FGD6: variants seen among roughly 807,000 people sequenced by gnomAD.
The protein encoded by FGD6 is FYVE, RhoGEF and PH domain-containing protein 6.
Under a neutral mutation model 149.4 loss-of-function variants are expected in FGD6, and 90 were observed. The observed-to-expected ratio is 0.60, with a 90% CI of 0.51 to 0.72. FGD6 has a LOEUF of 0.72. Ranked by LOEUF, FGD6 falls within the 30% of genes least tolerant of loss-of-function variation. FGD6 has a pLI of 0.00. For missense variants in FGD6, 1,437 were observed against 1,684.8 expected (o/e 0.85, Z 2.57); for synonymous variants, 527 against 584.0 (o/e 0.90, Z 1.41).
intron 3 of FGD6, among the ~76,000 whole-genome samples, chr12:95,154,916 G>A (rs1880422845): frequency 1.4e-5 from 2 of 147,632 alleles, no homozygotes; most frequent in African/African-American, 5.0e-5. Context: ...ACATGACTAT[G>A]TTAGTTCTTC....
Position 95,209,375 on chromosome 12 carries a change from T to G in FGD6, c.1909A>C (p.Ile637Leu), listed in dbSNP as rs1243439945. 2 of 1,613,394 alleles carry G rather than the reference T, an allele frequency of 1.2e-6. No homozygotes were observed. The highest frequency in any genetic ancestry group is 1.1e-5 in the South Asian group (1 of 91,000). The change falls in exon 2 of 21, where the codon ATC becomes CTC. Residue 637 changes from isoleucine (I) to leucine (L), a missense_variant. Physicochemically the swap from Ile to Leu is conservative, Grantham distance 5 (BLOSUM62 2). Coordinates refer to ENST00000343958, the MANE Select transcript of FGD6 (RefSeq NM_018351.4). Reference sequence around the variant, plus strand: ...TGAAAGTCACTCTTCATGAAACAGATGGACAGTTTCATGCTGAGCAACTTT... The same window carrying G: ...TGAAAGTCACTCTTCATGAAACAGAGGGACAGTTTCATGCTGAGCAACTTT... The part of the protein sequence containing the change: ...FKKLLSMKLS[I>L]CFMKSDFQKF...
intron 3 of FGD6, among the ~76,000 whole-genome samples, chr12:95,166,018 A>G (rs1328449539): frequency 6.9e-6 from 1 of 145,704 alleles, no homozygotes; most frequent in African/African-American, 2.6e-5. Context: ...TGGAGTGCAG[A>G]CTGGAGTGCA....
chr12:95,143,889 G>C (rs1326932102), intron 5 of FGD6, among the ~76,000 whole-genome samples: 1 of 152,192 alleles, frequency 6.6e-6, no homozygotes, highest in African/African-American at 2.4e-5. Context: ...GCTCAGCAAA[G>C]CAATAAGCGC....
chr12:95,082,115 T>G (rs1012415579), intron 20 of FGD6, among the ~76,000 whole-genome samples: 3 of 152,192 alleles, frequency 2.0e-5, no homozygotes, highest in Non-Finnish European at 4.4e-5. Flanking sequence ...TGTATAAAGG[T>G]TCTATGAAGT....
intron 3 of FGD6, among the ~76,000 whole-genome samples, chr12:95,162,232 G>A (rs1234012617): frequency 2.0e-5 from 3 of 151,568 alleles, no homozygotes; most frequent in African/African-American, 7.3e-5. Flanking sequence ...AATAAGAATA[G>A]CCCCAGTTGG....
intron 8 of FGD6, among the ~76,000 whole-genome samples, chr12:95,113,997 A>C (rs116426500): frequency 1.1e-4 from 16 of 152,322 alleles, no homozygotes; most frequent in African/African-American, 3.8e-4. Flanking sequence ...CAGAGCCAGC[A>C]TGAGAATTCA....
Position 95,089,921 on chromosome 12 carries a change from C to T in FGD6, c.3851-225G>A, listed in dbSNP as rs1592825448. Among the ~76,000 whole-genome samples, 3 of 152,144 alleles carry T rather than the reference C, an allele frequency of 2.0e-5. No homozygotes were observed. In the East Asian group the frequency reaches 5.8e-4, roughly 29 times the overall value. Reference sequence around the variant, plus strand: ...TTGAACTTTATGTGAAAGGATTACTCTTGTGTGCCTTTAGAATTATGAAAC... The same window carrying T: ...TTGAACTTTATGTGAAAGGATTACTTTTGTGTGCCTTTAGAATTATGAAAC... On this transcript the variant is annotated intron_variant, in intron 17 of 20. Transcript: ENST00000343958.
chr12:95,205,595 T>C (rs565538392), intron 2 of FGD6, among the ~76,000 whole-genome samples: 1 of 152,196 alleles, frequency 6.6e-6, no homozygotes. Flanking sequence ...AAGGCACAGG[T>C]CTGTATTTTC....
At chr12:95,084,833 C>T (rs1166971326) in intron 19 of FGD6, among the ~76,000 whole-genome samples, 187 bp from the exon 20 acceptor site, 3 of 152,206 alleles carry the variant, frequency 2.0e-5, no homozygotes, top group African/African-American at 7.2e-5. Context: ...TCCCTAGGTA[C>T]CCTATATGCC....
chr12:95,160,530 T>C (rs2136277326), intron 3 of FGD6, among the ~76,000 whole-genome samples: 1 of 152,160 alleles, frequency 6.6e-6, no homozygotes, highest in African/African-American at 2.4e-5. Flanking sequence ...CAGAGAAACA[T>C]GGGTATGAGA....
chr12:95,149,993 T>TACAC (rs10652699), intron 5 of FGD6, among the ~76,000 whole-genome samples: 8,437 of 131,816 alleles, frequency 0.064, 301 homozygotes, highest in East Asian at 0.085. Context: ...TGCTATATAT[T>TACAC]ACACACACAC....
chr12:95,172,390 T>C (rs1020867867), intron 3 of FGD6, among the ~76,000 whole-genome samples: 31 of 152,122 alleles, frequency 2.0e-4, no homozygotes, highest in Admixed American at 1.8e-3. Context: ...TAATAATTTC[T>C]CAAAAATCAC....
At chr12:95,204,172 G>A (rs1394886752) in intron 2 of FGD6, among the ~76,000 whole-genome samples, 4 of 152,292 alleles carry the variant, frequency 2.6e-5, no homozygotes, top group African/African-American at 9.6e-5. Context: ...CTGAGAACCC[G>A]GAGCGGTGAC....
intron 1 of FGD6, among the ~76,000 whole-genome samples, chr12:95,215,107 C>T (rs1021421612): frequency 2.6e-5 from 4 of 152,094 alleles, no homozygotes; most frequent in Middle Eastern, 3.2e-3. Flanking sequence ...GTGATCCACC[C>T]GCCTTGGCCT....
At chr12:95,113,162 C>T (rs1430370561) in intron 9 of FGD6, among the ~76,000 whole-genome samples, 1 of 151,886 alleles carries the variant, frequency 6.6e-6, no homozygotes, top group Admixed American at 6.6e-5. Flanking sequence ...CTATCCCCAG[C>T]ACTGCTTTAC....
intron 18 of FGD6, among the ~76,000 whole-genome samples, chr12:95,088,686 T>G (rs1341406370): frequency 2.0e-5 from 3 of 152,184 alleles, no homozygotes; most frequent in Non-Finnish European, 4.4e-5. Context: ...AACCCAATAT[T>G]CAACAAGAGA....
Position 95,134,776 on chromosome 12 carries a change from C to G in FGD6, c.3045G>C (p.Pro1015=), listed in dbSNP as rs200014128. 108 of 1,613,876 alleles carry G rather than the reference C, an allele frequency of 6.7e-5. No individual in the cohort carries two copies. The highest frequency in any genetic ancestry group is 3.3e-4 in the Middle Eastern group (2 of 6,060). ...GCCTGTACTGGGGGATCCTCTGAAC[C>G]GGCTTGAGCAGGTAGTGCTTGAGGG... The part of the protein sequence containing the change: ...NLALKHYLLK[P]VQRIPQYRLL... Residue 1015 remains proline, a synonymous_variant, in exon 8 of 21, where the codon CCG becomes CCC. Coordinates refer to ENST00000343958, the MANE Select transcript of FGD6 (RefSeq NM_018351.4).
chr12:95,110,727 T>G (rs571298383), intron 9 of FGD6, among the ~76,000 whole-genome samples: 1 of 152,112 alleles, frequency 6.6e-6, no homozygotes, highest in Non-Finnish European at 1.5e-5. Context: ...ACACATTTCC[T>G]GCTTTCTGGC....
At chr12:95,083,012 A>AAAAAATATATATATATATATAT (rs68032073) in intron 20 of FGD6, among the ~76,000 whole-genome samples, 2 of 20,036 alleles carry the variant, frequency 1.0e-4, no homozygotes, top group Non-Finnish European at 1.7e-4. Flanking sequence ...AAAAAAAAAA[A>AAAAAATATATATATATATATAT]ATATATATAT....
Sources: allele counts gnomAD v4.1 joint callset (sites outside exome capture counted in the v4.1 genomes callset), GRCh38; gene constraint gnomAD v4.1.1; transcripts MANE v1.5; gene names NCBI Gene and HGNC (gene_info 2026-07-23, HGNC 2026-07-21).